The following TMEM132D variants were observed in gnomAD, a reference collection of about 807,000 sequenced individuals.
TMEM132D encodes the protein transmembrane protein 132D.
TMEM132D carries 21 observed loss-of-function variants against 62.3 expected under a neutral mutation model. That is an observed-to-expected ratio of 0.34 (90% confidence interval 0.24 to 0.49). The LOEUF is 0.49. Ranked by LOEUF, TMEM132D falls within the 20% of genes least tolerant of loss-of-function variation. The pLI is 0.99. For synonymous variants in TMEM132D, 621 were observed against 575.6 expected, an observed-to-expected ratio of 1.08 and a Z score of -1.13; for missense variants, 1,346 against 1,402.8, an observed-to-expected ratio of 0.96 and a Z score of 0.65.
intron 1 of TMEM132D, among the ~76,000 whole-genome samples, chr12:129,810,578 C>A (rs781584554): frequency 0.033 from 3,945 of 118,974 alleles, 85 homozygotes; most frequent in South Asian, 0.085. Flanking sequence ...ACACACCCCC[C>A]CACACTCTTT....
At chr12:129,477,936 TCAGG>T (rs1429326301) in intron 3 of TMEM132D, among the ~76,000 whole-genome samples, 1 of 152,150 alleles carries the variant, frequency 6.6e-6, no homozygotes, top group Non-Finnish European at 1.5e-5. Context: ...ATATGTGTCC[TCAGG>T]CAATTTCATT....
intron 1 of TMEM132D, among the ~76,000 whole-genome samples, chr12:129,721,386 C>T (rs772926533): frequency 4.6e-5 from 7 of 152,152 alleles, no homozygotes; most frequent in East Asian, 1.9e-4. Context: ...GATGCCTTAA[C>T]GGGGTCTTTC....
At chr12:129,782,882 C>G (rs1871159544) in intron 1 of TMEM132D, among the ~76,000 whole-genome samples, 1 of 152,202 alleles carries the variant, frequency 6.6e-6, no homozygotes, top group Non-Finnish European at 1.5e-5. Context: ...CACCTTAACA[C>G]TTTTTTTCCT....
At chr12:129,593,917 T>C (rs1365064648) in intron 2 of TMEM132D, among the ~76,000 whole-genome samples, 2 of 152,144 alleles carry the variant, frequency 1.3e-5, no homozygotes. Context: ...ACCCATGCCT[T>C]TTTCTTCCCC....
chr12:129,280,404 G>A (rs542924317), intron 4 of TMEM132D, among the ~76,000 whole-genome samples: 7 of 152,244 alleles, frequency 4.6e-5, no homozygotes, highest in South Asian at 2.1e-4. Context: ...CTGCAGATAC[G>A]ATTTAAAACA....
At chr12:129,774,098 T>C (rs940920984) in intron 1 of TMEM132D, among the ~76,000 whole-genome samples, 1 of 152,108 alleles carries the variant, frequency 6.6e-6, no homozygotes, top group African/African-American at 2.4e-5. Flanking sequence ...AAATGTAAAA[T>C]TCTATCTGTT....
rs182297076 is a variant in TMEM132D, at chr12:129,114,270, T to A, written c.1444-29568A>T. Reference sequence around the variant, plus strand: ...GTTACAGTGGGGAGGGGGATGTTATTAGCATCTGGTTAGTAAGGACAGTGA... The same window carrying A: ...GTTACAGTGGGGAGGGGGATGTTATAAGCATCTGGTTAGTAAGGACAGTGA... On this transcript the variant is annotated intron_variant, in intron 5 of 8. Transcript: ENST00000422113. Among the ~76,000 whole-genome samples the A allele has an allele frequency of 1.3e-4, 20 of 152,282 alleles. No homozygotes were observed. In the East Asian group the frequency reaches 3.9e-3, roughly 30 times the overall value.
chr12:129,292,619 G>A (rs1158310720), intron 4 of TMEM132D, among the ~76,000 whole-genome samples: 3 of 152,142 alleles, frequency 2.0e-5, no homozygotes, highest in Non-Finnish European at 4.4e-5. Flanking sequence ...ACCTATTATT[G>A]TTAATATAGA....
At chr12:129,740,425 C>T (rs11060524) in intron 1 of TMEM132D, among the ~76,000 whole-genome samples, 77,151 of 151,860 alleles carry the variant, frequency 0.51, 20,297 homozygotes, top group Non-Finnish European at 0.59. Context: ...TTGCATTATC[C>T]ATTTAAATGG....
At chr12:129,584,485 C>A (rs918675514) in intron 2 of TMEM132D, among the ~76,000 whole-genome samples, 1 of 152,192 alleles carries the variant, frequency 6.6e-6, no homozygotes, top group Non-Finnish European at 1.5e-5. Flanking sequence ...GGGAGTTACT[C>A]CCCCTCCCTT....
intron 2 of TMEM132D, among the ~76,000 whole-genome samples, chr12:129,692,810 AC>A: frequency 6.6e-6 from 1 of 152,200 alleles, no homozygotes; most frequent in East Asian, 1.9e-4. Flanking sequence ...GAAAACAGGG[AC>A]ACAGAGAGCG....
At chr12:129,860,676 G>A (rs931951501) in intron 1 of TMEM132D, among the ~76,000 whole-genome samples, 4 of 152,246 alleles carry the variant, frequency 2.6e-5, no homozygotes, top group Non-Finnish European at 5.9e-5. Flanking sequence ...AAACATATCC[G>A]AGACTGGGTA....
chr12:129,572,726 A>T (rs1877552203), intron 2 of TMEM132D, among the ~76,000 whole-genome samples: 1 of 151,926 alleles, frequency 6.6e-6, no homozygotes, highest in Admixed American at 6.6e-5. Context: ...TGGGATTACA[A>T]GTGTGAGCCA....
intron 1 of TMEM132D, among the ~76,000 whole-genome samples, chr12:129,805,395 A>G (rs993048840): frequency 5.9e-5 from 9 of 152,118 alleles, no homozygotes; most frequent in Non-Finnish European, 1.0e-4. Context: ...CCGCATATCT[A>G]CAACCATCTG....
intron 2 of TMEM132D, among the ~76,000 whole-genome samples, chr12:129,640,146 C>T (rs1879605223): frequency 6.6e-6 from 1 of 152,084 alleles, no homozygotes; most frequent in Admixed American, 6.6e-5. Flanking sequence ...TTAATATTTC[C>T]CCTACCATTT....
At chr12:129,654,221 T>C (rs1341864964) in intron 2 of TMEM132D, among the ~76,000 whole-genome samples, 1 of 152,126 alleles carries the variant, frequency 6.6e-6, no homozygotes, top group Admixed American at 6.6e-5. Context: ...CCTGTGTCTC[T>C]CAGACATGTT....
At chr12:129,595,794 A>G (rs1026876877) in intron 2 of TMEM132D, among the ~76,000 whole-genome samples, 6 of 152,244 alleles carry the variant, frequency 3.9e-5, no homozygotes, top group African/African-American at 1.4e-4. Flanking sequence ...AGGCAGGGCC[A>G]GAAGAGCCAC....
At chr12:129,790,797 A>C (rs759540567) in intron 1 of TMEM132D, among the ~76,000 whole-genome samples, 10 of 152,212 alleles carry the variant, frequency 6.6e-5, no homozygotes, top group Non-Finnish European at 1.3e-4. Context: ...TGTCCTTATC[A>C]GTCATAATTC....
intron 2 of TMEM132D, among the ~76,000 whole-genome samples, chr12:129,570,460 A>G (rs549770068): frequency 7.9e-5 from 12 of 152,340 alleles, no homozygotes; most frequent in Admixed American, 7.8e-4. Flanking sequence ...GATGAGGAGT[A>G]AGACCTAAAA....
Sources: allele counts gnomAD v4.1 joint callset (sites outside exome capture counted in the v4.1 genomes callset), GRCh38; gene constraint gnomAD v4.1.1; transcripts MANE v1.5; gene names NCBI Gene and HGNC (gene_info 2026-07-23, HGNC 2026-07-21).